Variants in AKAP12 observed in about 807,000 individuals in gnomAD.
AKAP12 encodes A-kinase anchoring protein 12.
A neutral mutation model predicts 79.9 loss-of-function variants in AKAP12; 32 were observed. That is an observed-to-expected ratio of 0.40 (90% CI 0.30 to 0.54). The LOEUF is 0.54. Ranked by LOEUF, AKAP12 falls within the 20% of genes least tolerant of loss-of-function variation. The pLI is 0.48. For synonymous variants in AKAP12, 808 were observed against 857.0 expected (o/e 0.94, Z 1.00); for missense variants, 2,074 against 2,177.0 (o/e 0.95, Z 0.94).
At chr6:151,338,744 C>T (rs1247809457) in intron 3 of AKAP12, among the ~76,000 whole-genome samples, 1 of 152,204 alleles carries the variant, frequency 6.6e-6, no homozygotes, top group Non-Finnish European at 1.5e-5. Flanking sequence ...AGCCGCTGCA[C>T]CCGGCCATAG....
chr6:151,285,504 A>T (rs1776487358), intron 2 of AKAP12, among the ~76,000 whole-genome samples: 1 of 152,074 alleles, frequency 6.6e-6, no homozygotes, highest in African/African-American at 2.4e-5. Flanking sequence ...ATTTTTTTAA[A>T]GAACAATAAC....
At position 151,334,936 on chromosome 6, in the gene AKAP12, A is replaced by G. The variant is rs192624653; in HGVS notation, c.320-13775A>G. On this transcript the variant is annotated intron_variant, in intron 3 of 4. Transcript: ENST00000402676. ...CCGCGCCCGGCCTTCAACATTTTGT[A>G]TTGGCGATTTTCAGTGACTTCTGGT... Among the ~76,000 whole-genome samples the G allele has an allele frequency of 3.2e-4, 48 of 152,134 alleles. 1 individual carries two copies. In the East Asian group the frequency reaches 6.3e-3, roughly 20 times the overall value.
chr6:151,259,511 T>TATACACACAC, intron 2 of AKAP12, among the ~76,000 whole-genome samples: 1 of 101,124 alleles, frequency 9.9e-6, no homozygotes. Flanking sequence ...TATATATATA[T>TATACACACAC]ACACACACAC....
chr6:151,267,147 A>G (rs1053544096), intron 2 of AKAP12, among the ~76,000 whole-genome samples: 4 of 151,992 alleles, frequency 2.6e-5, no homozygotes, highest in Non-Finnish European at 5.9e-5. Flanking sequence ...AAAAACCAGC[A>G]GACAGATCAA....
At chr6:151,312,613 A>G (rs1430551534) in intron 3 of AKAP12, among the ~76,000 whole-genome samples, 2 of 152,020 alleles carry the variant, frequency 1.3e-5, no homozygotes, top group Admixed American at 6.6e-5. Context: ...AACACGGTGA[A>G]ACTCCGTCTC....
intron 3 of AKAP12, among the ~76,000 whole-genome samples, chr6:151,329,786 C>T (rs1030192185): frequency 2.6e-5 from 4 of 152,186 alleles, no homozygotes; most frequent in African/African-American, 9.7e-5. Flanking sequence ...ACTTTGTGGA[C>T]ATTATCATGT....
intron 2 of AKAP12, among the ~76,000 whole-genome samples, chr6:151,270,786 A>G (rs903964447): frequency 6.6e-6 from 1 of 150,608 alleles, no homozygotes; most frequent in Non-Finnish European, 1.5e-5. Flanking sequence ...AATTGTGTGG[A>G]TCCCTTTTGC....
intron 3 of AKAP12, among the ~76,000 whole-genome samples, chr6:151,337,524 A>AAAAAAAAAAAAAAAG (rs535027217): frequency 7.7e-6 from 1 of 129,784 alleles, no homozygotes; most frequent in African/African-American, 3.4e-5. Context: ...AAAAAAAAAA[A>AAAAAAAAAAAAAAAG]AAAGAAAGAA....
intron 2 of AKAP12, among the ~76,000 whole-genome samples, chr6:151,253,834 G>A (rs1421486512): frequency 6.6e-6 from 1 of 151,934 alleles, no homozygotes; most frequent in East Asian, 1.9e-4. Context: ...AGCCTCTTGA[G>A]TAGCTGGAAT....
chr6:151,321,690 T>G (rs1696912068), intron 3 of AKAP12, among the ~76,000 whole-genome samples: 1 of 152,110 alleles, frequency 6.6e-6, no homozygotes, highest in Admixed American at 6.6e-5. Context: ...TCCATTGCTC[T>G]TGGTTATATG....
intron 3 of AKAP12, among the ~76,000 whole-genome samples, chr6:151,333,338 C>T (rs1777726382): frequency 1.3e-5 from 2 of 152,186 alleles, no homozygotes; most frequent in African/African-American, 2.4e-5. Flanking sequence ...CTGAGCCTCT[C>T]CTGCCTGCCG....
intron 3 of AKAP12, among the ~76,000 whole-genome samples, chr6:151,343,315 C>A (rs1490063375): frequency 6.6e-6 from 1 of 152,172 alleles, no homozygotes; most frequent in Non-Finnish European, 1.5e-5. Context: ...TAATCACATG[C>A]TTGCTGGCAG....
rs766678354 is a variant in AKAP12 at position 151,351,302 on chromosome 6, T to C, written c.2911T>C (p.Leu971=). 6.2e-7 allele frequency: 1 copy of C among 1,614,140 alleles called. No homozygotes were observed. ...CGACACGGTCGTTAGTGAGGCGGAA[T>C]TGACCCCCGAAGCTGTGACAGCTGC... ...RGDTVVSEAE[L]TPEAVTAAET... The change falls in exon 4 of 5, where the codon TTG becomes CTG. Residue 971 remains leucine (L), a synonymous_variant. Coordinates refer to ENST00000402676, the MANE Select transcript of AKAP12 (RefSeq NM_005100.4). The surrounding 1 kb of genome is among the most constrained non-coding windows in gnomAD (Gnocchi z 4.4).
chr6:151,347,182 T>C (rs1778123421), intron 3 of AKAP12, among the ~76,000 whole-genome samples: 1 of 152,246 alleles, frequency 6.6e-6, no homozygotes, highest in Admixed American at 6.5e-5. Flanking sequence ...TGTGTCCTTT[T>C]GACACCTCCA....
At position 151,351,287 on chromosome 6, in the gene AKAP12, G is replaced by A. The variant is rs140014031; in HGVS notation, c.2896G>A (p.Val966Ile). ...ENREARGDTV[V>I]SEAELTPEAV... is the part of the protein sequence containing the mutation. ...CAGAGAGGCCCGGGGCGACACGGTC[G>A]TTAGTGAGGCGGAATTGACCCCCGA... The change falls in exon 4 of 5, where the codon GTT (valine) becomes ATT (isoleucine). Residue 966 changes from valine to isoleucine, a missense_variant. Val to Ile is a conservative substitution (Grantham distance 29). Around this residue, in one of 3 missense-constraint regions of AKAP12, gnomAD observed 1,428 missense variants for 1,451.0 expected, o/e 0.98. Coordinates refer to ENST00000402676, the MANE Select transcript of AKAP12 (RefSeq NM_005100.4). This position sits in a 1 kb window ranked among gnomAD's most constrained non-coding sequence, Gnocchi z 4.4. The A allele has an allele frequency of 3.5e-5, 56 of 1,614,074 alleles. No homozygotes were observed. The African/African-American group carries it at 3.5e-4, about 10-fold the overall frequency.
Position 151,351,761 on chromosome 6 carries a change from C to G in AKAP12, c.3370C>G (p.Pro1124Ala), listed in dbSNP as rs1778296892. The G allele has an allele frequency of 6.2e-7, 1 of 1,614,120 alleles. No homozygotes were observed. The highest frequency in any genetic ancestry group is 8.5e-7 in the Non-Finnish European group (1 of 1,180,018). The change falls in exon 4 of 5, where the codon CCT (proline) becomes GCT (alanine). Residue 1124 changes from proline to alanine, a missense_variant. This residue lies in a region of AKAP12 where 1,428 missense variants were observed against 1,451.0 expected (regional missense o/e 0.98). Transcript: ENST00000402676. This position sits in a 1 kb window ranked among gnomAD's most constrained non-coding sequence, Gnocchi z 4.4. ...CACCCCAGAAAGCTTTGAAAAAGCT[C>G]CTCAAGTCACAGAGAGCATAGAGTC... Reference protein sequence around the residue: ...QTTPESFEKAPQVTESIESSE... With the variant: ...QTTPESFEKAAQVTESIESSE...
At chr6:151,262,358 GTTTAT>G (rs1160548877) in intron 2 of AKAP12, among the ~76,000 whole-genome samples, 1 of 152,182 alleles carries the variant, frequency 6.6e-6, no homozygotes, top group Non-Finnish European at 1.5e-5. Flanking sequence ...CATTGCTTTT[GTTTAT>G]TTTAAGTACT....
chr6:151,327,359 A>G (rs768515493), intron 3 of AKAP12, among the ~76,000 whole-genome samples: 4 of 152,178 alleles, frequency 2.6e-5, no homozygotes, highest in African/African-American at 7.2e-5. Context: ...AGTTTATGCC[A>G]TATCTCGAAA....
intron 3 of AKAP12, among the ~76,000 whole-genome samples, chr6:151,316,435 C>T (rs960343730): frequency 3.3e-5 from 5 of 152,190 alleles, no homozygotes; most frequent in Admixed American, 1.3e-4. Context: ...AAATACTCGA[C>T]TGGTGGTTCA....
Sources: allele counts gnomAD v4.1 joint callset (sites outside exome capture counted in the v4.1 genomes callset), GRCh38; gene constraint gnomAD v4.1.1; regional missense constraint gnomAD v4.1.1; non-coding constraint Gnocchi (gnomAD v3.1); transcripts MANE v1.5; gene names NCBI Gene and HGNC (gene_info 2026-07-23, HGNC 2026-07-21).